Variants in GFRAL observed in about 807,000 individuals in gnomAD.
The protein encoded by GFRAL is GDNF family receptor alpha-like.
In GFRAL, 36 loss-of-function variants were observed where a neutral mutation model predicts 45.4. The ratio of observed to expected loss-of-function variants is 0.79; its 90% CI spans 0.61 to 1.05. The LOEUF (loss-of-function observed/expected upper bound fraction) is 1.05, where lower values mean the gene tolerates loss of function less well. GFRAL is among the 50% of genes least tolerant of loss of function. The probability of loss-of-function intolerance (pLI) is 0.00; values close to 1 mark genes in which losing one functional copy is unlikely to be tolerated. For synonymous variants in GFRAL, 166 were observed against 154.1 expected (o/e 1.08, Z -0.57); for missense variants, 507 against 467.5 (o/e 1.08, Z -0.78).
At chr6:55,374,687 T>A (rs2127361517) in intron 6 of GFRAL, among the ~76,000 whole-genome samples, 1 of 152,328 alleles carries the variant, frequency 6.6e-6, no homozygotes, top group Middle Eastern at 3.4e-3. Context: ...GTTTTCATCA[T>A]GAAAATTTTG....
Position 55,331,849 on chromosome 6 carries a change from G to C in GFRAL, c.157G>C (p.Asp53His). Residue 53 changes from aspartate (D) to histidine (H), a missense_variant and splice_region_variant, in exon 2 of 9, where the codon GAT becomes CAT. Physicochemically the swap from Asp to His is moderately conservative, Grantham distance 81. Coordinates refer to ENST00000340465, the MANE Select transcript of GFRAL (RefSeq NM_207410.2). ...AATGGAAGATGCCTGCAATGATTCA[G>C]GTAAACAAGTTGCTAAAAATACACT... The part of the protein sequence containing the change: ...RVMEDACNDS[D>H]PGDPCKMRNS... 1.2e-6 allele frequency: 2 copies of C among 1,605,182 alleles called. No homozygotes were observed. The highest frequency in any genetic ancestry group is 1.7e-6 in the Non-Finnish European group (2 of 1,176,820).
At chr6:55,380,748 G>A (rs566598499) in intron 6 of GFRAL, among the ~76,000 whole-genome samples, 3 of 151,924 alleles carry the variant, frequency 2.0e-5, no homozygotes, top group Non-Finnish European at 4.4e-5. Flanking sequence ...GTACACATTA[G>A]CCACTCAATA....
rs139487613 is a variant in GFRAL, at chr6:55,390,655, C to T, written c.953-8525C>T. 3.3e-5 allele frequency among the ~76,000 whole-genome samples: 5 copies of T among 151,940 alleles called. No homozygotes were observed. The East Asian group carries it at 9.7e-4, about 30-fold the overall frequency. ...CTGTAATCCCAGCACTTTGGGAGACCAAGGCGGGCGGATCACGAGGTCAGC... is the reference window on the plus strand; with the variant it reads ...CTGTAATCCCAGCACTTTGGGAGACTAAGGCGGGCGGATCACGAGGTCAGC... On this transcript the variant is annotated intron_variant, in intron 6 of 8. Coordinates refer to ENST00000340465, the MANE Select transcript of GFRAL (RefSeq NM_207410.2).
At chr6:55,341,420 A>G (rs556537568) in intron 3 of GFRAL, among the ~76,000 whole-genome samples, 21 of 152,322 alleles carry the variant, frequency 1.4e-4, no homozygotes, top group African/African-American at 5.1e-4. Flanking sequence ...CAGGGTCTGG[A>G]GTGGACCTCC....
At chr6:55,368,148 T>C (rs1275372056) in intron 6 of GFRAL, among the ~76,000 whole-genome samples, 27 of 150,796 alleles carry the variant, frequency 1.8e-4, no homozygotes, top group Non-Finnish European at 2.8e-4. Flanking sequence ...TTTCTTTTTA[T>C]TCTTTTTTCT....
At chr6:55,378,862 G>A (rs763771458) in intron 6 of GFRAL, among the ~76,000 whole-genome samples, 29 of 151,978 alleles carry the variant, frequency 1.9e-4, no homozygotes, top group Non-Finnish European at 3.2e-4. Flanking sequence ...GTGAGTGTTT[G>A]TAGTCATCTG....
chr6:55,357,530 C>T (rs535373574), intron 5 of GFRAL, among the ~76,000 whole-genome samples: 20 of 151,626 alleles, frequency 1.3e-4, no homozygotes, highest in Middle Eastern at 3.4e-3. Flanking sequence ...TTTTCCATCC[C>T]TTTATTTTTC....
intron 6 of GFRAL, among the ~76,000 whole-genome samples, chr6:55,366,775 T>A (rs1247132152): frequency 8.7e-6 from 1 of 115,546 alleles, no homozygotes; most frequent in African/African-American, 4.1e-5. Flanking sequence ...TAATCCTGAG[T>A]TCTAGTTTGA....
chr6:55,364,135 T>C (rs1376561122), intron 6 of GFRAL, among the ~76,000 whole-genome samples: 2 of 150,180 alleles, frequency 1.3e-5, no homozygotes, highest in Non-Finnish European at 3.0e-5. Context: ...CCATTCTAAG[T>C]GGTGTGAGAT....
intron 3 of GFRAL, among the ~76,000 whole-genome samples, chr6:55,348,832 T>C (rs114401852): frequency 0.013 from 1,991 of 152,136 alleles, 23 homozygotes; most frequent in Non-Finnish European, 0.022. Context: ...AGTGAAGCTG[T>C]TGTTTATTTA....
chr6:55,350,447 G>C (rs1175613824), intron 4 of GFRAL, among the ~76,000 whole-genome samples: 3 of 152,086 alleles, frequency 2.0e-5, no homozygotes, highest in Admixed American at 6.6e-5. Flanking sequence ...GGCTGAGGTA[G>C]GTGGATCATT....
chr6:55,367,880 T>C (rs771800411), intron 6 of GFRAL, among the ~76,000 whole-genome samples: 28 of 151,624 alleles, frequency 1.8e-4, no homozygotes, highest in Non-Finnish European at 3.5e-4. Context: ...TAACATTTTT[T>C]CCTTCATTTC....
intron 6 of GFRAL, among the ~76,000 whole-genome samples, chr6:55,396,720 A>T (rs930737067): frequency 6.6e-6 from 1 of 152,108 alleles, no homozygotes; most frequent in Non-Finnish European, 1.5e-5. Context: ...TATTAAAAAA[A>T]AGTATTATTT....
chr6:55,397,258 C>CTG, intron 6 of GFRAL, among the ~76,000 whole-genome samples: 1 of 151,136 alleles, frequency 6.6e-6, no homozygotes, highest in African/African-American at 2.4e-5. Context: ...GTGGCTCACG[C>CTG]CTGTAATCCC....
At chr6:55,366,873 T>C (rs1292273152) in intron 6 of GFRAL, among the ~76,000 whole-genome samples, 8 of 102,242 alleles carry the variant, frequency 7.8e-5, no homozygotes, top group African/African-American at 1.9e-4. Flanking sequence ...ATGTGGTCAA[T>C]TTTGGAATAG....
intron 3 of GFRAL, among the ~76,000 whole-genome samples, chr6:55,345,691 A>G (rs1354391083): frequency 1.3e-5 from 2 of 152,206 alleles, no homozygotes; most frequent in Non-Finnish European, 2.9e-5. Flanking sequence ...AAAATTGACA[A>G]ATGGGATCTA....
At chr6:55,384,977 G>A (rs967424423) in intron 6 of GFRAL, among the ~76,000 whole-genome samples, 1 of 151,908 alleles carries the variant, frequency 6.6e-6, no homozygotes, top group African/African-American at 2.4e-5. Flanking sequence ...TTAGAATAGA[G>A]GTGGAGCCTA....
chr6:55,333,375 T>A (rs1767854108), intron 2 of GFRAL, among the ~76,000 whole-genome samples: 1 of 152,108 alleles, frequency 6.6e-6, no homozygotes, highest in Non-Finnish European at 1.5e-5. Context: ...TAGAGCTACC[T>A]GCACATATCT....
chr6:55,358,113 CTT>C (rs1768220164), intron 5 of GFRAL, among the ~76,000 whole-genome samples: 1 of 151,680 alleles, frequency 6.6e-6, no homozygotes, highest in African/African-American at 2.4e-5. Flanking sequence ...AACAATGTGA[CTT>C]TGGTTTTTTA....
Sources: allele counts gnomAD v4.1 joint callset (sites outside exome capture counted in the v4.1 genomes callset), GRCh38; gene constraint gnomAD v4.1.1; transcripts MANE v1.5; gene names NCBI Gene and HGNC (gene_info 2026-07-23, HGNC 2026-07-21).